The following ABAT variants were observed in gnomAD, a reference collection of about 807,000 sequenced individuals.
ABAT encodes 4-aminobutyrate aminotransferase.
ABAT carries 45 observed loss-of-function variants against 64.6 expected under a neutral mutation model. That is an observed-to-expected ratio of 0.70 (90% CI 0.55 to 0.89). The LOEUF is 0.89. ABAT is among the 40% of genes least tolerant of loss of function. The pLI is 0.00. For missense variants in ABAT, 633 were observed against 658.4 expected (o/e 0.96, Z 0.42); for synonymous variants, 297 against 250.5 (o/e 1.19, Z -1.75).
intron 1 of ABAT, among the ~76,000 whole-genome samples, chr16:8,719,623 G>A (rs563336338): frequency 6.6e-6 from 1 of 152,188 alleles, no homozygotes; most frequent in East Asian, 1.9e-4. Flanking sequence ...CTGGTAGCAG[G>A]ACCACCGCAT....
Position 8,722,911 on chromosome 16 carries a change from C to G in ABAT, c.-41-12788C>G, listed in dbSNP as rs895799808. 1.1e-5 allele frequency: 14 copies of G among 1,266,396 alleles called. No individual in the cohort carries two copies. The Admixed American group carries it at 1.4e-4, about 12-fold the overall frequency. The allele number at this position is 1,266,396 out of a possible 1,614,324, so 78.4% of individuals were successfully genotyped here. On this transcript the variant is annotated intron_variant, in intron 1 of 15. Coordinates refer to ENST00000268251, the MANE Select transcript of ABAT (RefSeq NM_020686.6). The stretch of plus-strand genomic sequence containing the variant: ...AATATGGAACTCTTAGCACGCTTGT[C>G]AGGTGTTTCTTAGAGTCCGAACGGG...
Position 8,750,464 on chromosome 16 carries a change from C to T in ABAT, c.241C>T (p.Arg81Ter), listed in dbSNP as rs964154742. The T allele has an allele frequency of 6.2e-7, 1 of 1,613,984 alleles. No homozygotes were observed. Among genetic ancestry groups the T allele is most frequent in the Non-Finnish European group, 8.5e-7 (1 of 1,180,032 alleles). Residue 81 changes from arginine (R) to a stop codon, truncating the protein, a stop_gained, in exon 5 of 16, where the codon CGA becomes TGA. Coordinates refer to ENST00000268251, the MANE Select transcript of ABAT (RefSeq NM_020686.6). LOFTEE classifies it high-confidence loss of function. ...TTTTTTCTGCAATTACGAAGAGAGC[C>T]GAGGCAATTACCTGGTTGATGTGGA... Reference protein sequence around the residue: ...VHFFCNYEESRGNYLVDVDGN... With the variant: ...VHFFCNYEES
At chr16:8,738,254 G>A (rs927713490) in intron 2 of ABAT, among the ~76,000 whole-genome samples, 2 of 151,928 alleles carry the variant, frequency 1.3e-5, no homozygotes, top group Admixed American at 6.6e-5. Context: ...CTGGGAGATC[G>A]AGGCTGCAGT....
chr16:8,733,069 G>A (rs1222146161), intron 1 of ABAT, among the ~76,000 whole-genome samples: 2 of 144,404 alleles, frequency 1.4e-5, no homozygotes, highest in African/African-American at 2.8e-5. Context: ...CTGGCCGGGC[G>A]GGGGGCTGAC....
chr16:8,682,379 T>C (rs1291949866), intron 1 of ABAT, among the ~76,000 whole-genome samples: 1 of 152,136 alleles, frequency 6.6e-6, no homozygotes, highest in Non-Finnish European at 1.5e-5. Flanking sequence ...AATTTACAAA[T>C]TCCACTGTGG....
rs1491569008 is a variant in ABAT at position 8,737,988 on chromosome 16, G to GAAAGAAAGAAAGAAAGAAAGAAA, written c.70+2179_70+2180insAAAGAAAGAAAGAAAGAAAGAAA. On this transcript the variant is annotated intron_variant, in intron 2 of 15. Transcript: ENST00000268251. ...AGGAAGGAAGGAAGGAAGGAAGGAA[G>GAAAGAAAGAAAGAAAGAAAGAAA]GAGGAAAGAAAGAAAGAAAGAAAGA... Among the ~76,000 whole-genome samples the GAAAGAAAGAAAGAAAGAAAGAAA allele has an allele frequency of 7.7e-5, 4 of 51,810 alleles. No homozygotes were observed. The South Asian group carries it at 3.0e-3, about 39-fold the overall frequency. The allele number at this position is 51,810 out of a possible 152,430, so 34.0% of individuals were successfully genotyped here.
intron 1 of ABAT, among the ~76,000 whole-genome samples, chr16:8,729,875 G>A (rs1286310938): frequency 1.3e-5 from 2 of 149,400 alleles, no homozygotes; most frequent in Admixed American, 6.7e-5. Flanking sequence ...GATCATCTCA[G>A]TGGGTAGAGA....
intron 1 of ABAT, among the ~76,000 whole-genome samples, chr16:8,695,093 A>C (rs1396201247): frequency 6.6e-6 from 1 of 152,208 alleles, no homozygotes; most frequent in African/African-American, 2.4e-5. Flanking sequence ...TTGTCTGATC[A>C]GTGACTGTCC....
At chr16:8,679,616 A>AC (rs1233644582) in intron 1 of ABAT, among the ~76,000 whole-genome samples, 3 of 150,118 alleles carry the variant, frequency 2.0e-5, no homozygotes, top group Non-Finnish European at 4.4e-5. Context: ...ATGTGTTCCG[A>AC]CCCCCAGTAC....
intron 1 of ABAT, among the ~76,000 whole-genome samples, chr16:8,733,713 C>G (rs966424978): frequency 6.6e-6 from 1 of 151,792 alleles, no homozygotes; most frequent in Admixed American, 6.5e-5. Context: ...CGCAGGCACT[C>G]GGCAGGCTGA....
At chr16:8,750,573 CT>C in intron 5 of ABAT, 34 bp downstream of exon 5, 1 of 1,586,738 alleles carries the variant, frequency 6.3e-7, no homozygotes, top group Non-Finnish European at 8.7e-7. Flanking sequence ...TGGATATAAC[CT>C]CTGTTTCTGT....
rs149585820 is a variant in ABAT at position 8,692,402 on chromosome 16, A to G, written c.-42+17691A>G. ...AAAAAATACATTATAATTAATAAAT[A>G]AGTAAATAAATAAATAGAGTCCATA... On this transcript the variant is annotated intron_variant, in intron 1 of 15. Transcript: ENST00000268251. Among the ~76,000 whole-genome samples, 80 of 152,288 alleles carry G rather than the reference A, an allele frequency of 5.3e-4. No individual in the cohort carries two copies. In the East Asian group the frequency reaches 0.014, roughly 26 times the overall value.
intron 5 of ABAT, among the ~76,000 whole-genome samples, chr16:8,756,295 G>A (rs1194006262): frequency 6.6e-6 from 1 of 152,168 alleles, no homozygotes; most frequent in Admixed American, 6.5e-5. Flanking sequence ...GGTTAAGAAT[G>A]TCTTTCAAAA....
At chr16:8,680,271 C>T (rs1321568202) in intron 1 of ABAT, among the ~76,000 whole-genome samples, 1 of 152,196 alleles carries the variant, frequency 6.6e-6, no homozygotes, top group Non-Finnish European at 1.5e-5. Flanking sequence ...GCCATCACAT[C>T]CATCACATTT....
chr16:8,710,163 C>T (rs556965306), intron 1 of ABAT, among the ~76,000 whole-genome samples: 2 of 152,110 alleles, frequency 1.3e-5, no homozygotes, highest in East Asian at 3.9e-4. Flanking sequence ...AAGCAAAAAT[C>T]CCCAGCACAA....
At position 8,722,963 on chromosome 16, in the gene ABAT, G is replaced by A. The variant is rs146178731; in HGVS notation, c.-41-12736G>A. ...CTTAGAAACAATGTGATCCAGCCAGGCAAGGTGGCTCATGCCTGTAATTCC... is the reference window on the plus strand; with the variant it reads ...CTTAGAAACAATGTGATCCAGCCAGACAAGGTGGCTCATGCCTGTAATTCC... On this transcript the variant is annotated intron_variant, in intron 1 of 15. Coordinates refer to ENST00000268251, the MANE Select transcript of ABAT (RefSeq NM_020686.6). The A allele has an allele frequency of 2.9e-4, 272 of 945,770 alleles. 1 individual carries two copies. The African/African-American group carries it at 4.3e-3, about 15-fold the overall frequency. The allele number at this position is 945,770 out of a possible 1,614,324, so 58.6% of individuals were successfully genotyped here. A position where few individuals can be genotyped will look rare whatever the true frequency, so the allele number is the denominator to read the frequency against.
chr16:8,727,946 C>T (rs944429193), intron 1 of ABAT, among the ~76,000 whole-genome samples: 3 of 152,198 alleles, frequency 2.0e-5, no homozygotes, highest in African/African-American at 4.8e-5. Context: ...TGGCACATGC[C>T]TGTAGTCCCA....
chr16:8,702,664 A>T (rs1026167106), intron 1 of ABAT, among the ~76,000 whole-genome samples: 7 of 152,050 alleles, frequency 4.6e-5, no homozygotes, highest in African/African-American at 9.7e-5. Flanking sequence ...GTCCCCTCCC[A>T]CCAGGCTCCT....
At chr16:8,779,250 CTGG>C (rs879891338) in intron 14 of ABAT, among the ~76,000 whole-genome samples, 1 of 151,562 alleles carries the variant, frequency 6.6e-6, no homozygotes, top group African/African-American at 2.4e-5. Flanking sequence ...GTTGTTGTTG[CTGG>C]TGGTGGTGGT....
Sources: allele counts gnomAD v4.1 joint callset (sites outside exome capture counted in the v4.1 genomes callset), GRCh38; gene constraint gnomAD v4.1.1; transcripts MANE v1.5; gene names NCBI Gene and HGNC (gene_info 2026-07-23, HGNC 2026-07-21).